The following P2RX5 variants were observed in gnomAD, a reference collection of about 807,000 sequenced individuals.
P2RX5 encodes the protein purinergic receptor P2X 5, also known as P2X purinoceptor 5.
Under a neutral mutation model 54.1 loss-of-function variants are expected in P2RX5, and 46 were observed. The ratio of observed to expected loss-of-function variants is 0.85; its 90% CI spans 0.67 to 1.09. P2RX5 has a LOEUF of 1.09. Ranked by LOEUF, P2RX5 falls within the 50% of genes least tolerant of loss-of-function variation. The pLI is 0.00. For missense variants in P2RX5, 566 were observed against 549.8 expected, an observed-to-expected ratio of 1.03 and a Z score of -0.29; for synonymous variants, 226 against 226.4, an observed-to-expected ratio of 1.00 and a Z score of 0.02.
upstream of P2RX5, among the ~76,000 whole-genome samples, chr17:3,700,533 GAAA>G (rs35207117): frequency 2.2e-5 from 3 of 135,878 alleles, no homozygotes; most frequent in Non-Finnish European, 4.7e-5. Context: ...ACTCTGGCTC[GAAA>G]AAAAAAAAAA....
chr17:3,699,870 AAAGAAAGGAAGGAAGG>A (rs1326891010), upstream of P2RX5, among the ~76,000 whole-genome samples: 3 of 27,150 alleles, frequency 1.1e-4, no homozygotes, highest in South Asian at 6.8e-3. Flanking sequence ...AGAAAGAAAG[AAAGAAAGGAAGGAAGG>A]AAGGAAGGAA....
At chr17:3,683,564 C>G (rs2050345162) in intron 9 of P2RX5, among the ~76,000 whole-genome samples, 1 of 152,168 alleles carries the variant, frequency 6.6e-6, no homozygotes, top group African/African-American at 2.4e-5. Flanking sequence ...AACCCTGTCT[C>G]TACAAAAATA....
the P2RX5 span, among the ~76,000 whole-genome samples, chr17:3,711,032 G>A: frequency 6.6e-6 from 1 of 152,156 alleles, no homozygotes; most frequent in East Asian, 1.9e-4. Flanking sequence ...GTGGCCCTAT[G>A]GCATGACTCA....
chr17:3,688,759 C>A lies in P2RX5; in HGVS notation c.754G>T (p.Gly252Cys). 6.2e-7 allele frequency: 1 copy of A among 1,614,046 alleles called. No individual in the cohort carries two copies. Among genetic ancestry groups the A allele is most frequent in the South Asian group, 1.1e-5 (1 of 91,088 alleles). ...TCAATATTAATTCCTATCACGCCAC[C>A]CTTGATAAAAGAGAGATGAGGGTCA... is the stretch of plus-strand genomic sequence containing the variant. The part of the protein sequence containing the change: ...GSDFQDIALE[G>C]GVIGINIEWN... Residue 252 changes from glycine (G) to cysteine (C), a missense_variant and splice_region_variant, in exon 8 of 12, where the codon GGT becomes TGT. Transcript: ENST00000225328.
Position 3,676,493 on chromosome 17 carries a change from A to C in P2RX5, c.1260-2616T>G, listed in dbSNP as rs1355986537. 6 of 984,268 alleles carry C rather than the reference A, an allele frequency of 6.1e-6. No homozygotes were observed. The South Asian group carries it at 1.4e-4, about 23-fold the overall frequency. 61.0% of individuals were successfully genotyped at this position (984,268 alleles called of 1,614,324 possible). ...ATCATGTAAGTATTACCCAGTCAAAATATTGTAACTTAAATCAGCTGAGCA... is the reference window on the plus strand; with the variant it reads ...ATCATGTAAGTATTACCCAGTCAAACTATTGTAACTTAAATCAGCTGAGCA... On this transcript the variant is annotated intron_variant, in intron 11 of 11. Coordinates refer to ENST00000225328, the MANE Select transcript of P2RX5 (RefSeq NM_002561.4).
intron 2 of P2RX5, 129 bp downstream of exon 2, chr17:3,691,515 T>C: frequency 8.6e-7 from 1 of 1,167,290 alleles, no homozygotes; most frequent in South Asian, 1.3e-5. Flanking sequence ...CTGCAAGCCC[T>C]GGCAGCTGTC....
chr17:3,675,963 C>T (rs2050093630), intron 11 of P2RX5: 1 of 985,248 alleles, frequency 1.0e-6, no homozygotes. Context: ...TTCTGGAGAC[C>T]ATGTCCCTGG....
rs1339432004 is a variant in P2RX5, at chr17:3,676,541, G to A, written c.1260-2664C>T. 1.2e-5 allele frequency: 12 copies of A among 985,264 alleles called. No homozygotes were observed. The African/African-American group carries it at 1.7e-4, about 14-fold the overall frequency. The allele number at this position is 985,264 out of a possible 1,614,324, so 61.0% of individuals were successfully genotyped here. A position where few individuals can be genotyped will look rare whatever the true frequency, so the allele number is the denominator to read the frequency against. ...GCATACTGCTGCTTTCAGGGTGGGG[G>A]AGGAAGCCTCTTGGTCTCTAGGCAG... On this transcript the variant is annotated intron_variant, in intron 11 of 11. Transcript: ENST00000225328.
intron 5 of P2RX5, 30 bp from the exon 6 acceptor site, chr17:3,690,180 G>A (rs1423299318): frequency 1.9e-6 from 3 of 1,597,816 alleles, no homozygotes; most frequent in Non-Finnish European, 2.6e-6. Context: ...AGCCTGTCCA[G>A]GAGGCCCCAC....
At chr17:3,693,254 C>T (rs537067496) in intron 1 of P2RX5, among the ~76,000 whole-genome samples, 1 of 152,248 alleles carries the variant, frequency 6.6e-6, no homozygotes, top group African/African-American at 2.4e-5. Context: ...CACTTCACTT[C>T]CACTAGGATG....
Position 3,679,800 on chromosome 17 carries a change from G to A in P2RX5, c.1065-16C>T. 6.2e-7 allele frequency: 1 copy of A among 1,606,004 alleles called. No individual in the cohort carries two copies. Among genetic ancestry groups the A allele is most frequent in the East Asian group, 2.2e-5 (1 of 44,882 alleles). On this transcript the variant is annotated splice_polypyrimidine_tract_variant and intron_variant, in intron 10 of 11. Coordinates refer to ENST00000225328, the MANE Select transcript of P2RX5 (RefSeq NM_002561.4). ...TTCTAGGCCCCTGGACAAGATACAAGCTGTTCACCTGGGACGGCCCTGCAG... is the reference window on the plus strand; with the variant it reads ...TTCTAGGCCCCTGGACAAGATACAAACTGTTCACCTGGGACGGCCCTGCAG...
the P2RX5 span, chr17:3,717,238 C>T: frequency 5.0e-5 from 8 of 161,154 alleles, no homozygotes; most frequent in South Asian, 3.3e-4. Flanking sequence ...TCCGTTCTGA[C>T]GGCTCTTTTT....
intron 9 of P2RX5, 198 bp from the exon 10 acceptor site, chr17:3,682,176 G>A (rs978247945): frequency 3.2e-6 from 2 of 625,702 alleles, no homozygotes; most frequent in East Asian, 2.9e-5. Context: ...GCTCAAGCTG[G>A]ACTGGAGCTC....
chr17:3,709,206 C>A, the P2RX5 span, among the ~76,000 whole-genome samples: 2 of 152,134 alleles, frequency 1.3e-5, no homozygotes, highest in African/African-American at 4.8e-5. Context: ...CCCACCTCGG[C>A]CTCCCAAAGT....
chr17:3,723,717 C>G, the P2RX5 span: 45 of 1,605,322 alleles, frequency 2.8e-5, no homozygotes, highest in African/African-American at 1.1e-4. Flanking sequence ...CAAGCGCGCT[C>G]CTGACTCCAG....
the P2RX5 span, among the ~76,000 whole-genome samples, chr17:3,715,511 C>A: frequency 6.6e-6 from 1 of 152,084 alleles, no homozygotes; most frequent in African/African-American, 2.4e-5. Context: ...AGAAAAGCAG[C>A]CTACGCGTAC....
chr17:3,673,693 C>A lies in P2RX5; in HGVS notation c.*175G>T. ...GATGGGTCCGTCCTGATGACCCCAG[C>A]ATCAGACGTGGAGGTCACTTTGCTC... On this transcript the variant is annotated 3_prime_UTR_variant, in exon 12 of 12. Transcript: ENST00000225328. 1 of 1,545,432 alleles carries A rather than the reference C, an allele frequency of 6.5e-7. No homozygotes were observed.
At chr17:3,701,067 C>T (rs1419254462), upstream of P2RX5, among the ~76,000 whole-genome samples, 1 of 152,186 alleles carries the variant, frequency 6.6e-6, no homozygotes, top group Non-Finnish European at 1.5e-5. Flanking sequence ...TTCCTGTTCA[C>T]CTGAAATAAA....
the P2RX5 span, among the ~76,000 whole-genome samples, chr17:3,711,421 C>G: frequency 9.5e-6 from 1 of 105,202 alleles, no homozygotes; most frequent in Non-Finnish European, 1.8e-5. Context: ...CTCGCTCTGT[C>G]ACCCAGGCTG....
Sources: allele counts gnomAD v4.1 joint callset (sites outside exome capture counted in the v4.1 genomes callset), GRCh38; gene constraint gnomAD v4.1.1; transcripts MANE v1.5; gene names NCBI Gene and HGNC (gene_info 2026-07-23, HGNC 2026-07-21).